Variants in PGAP1 observed in about 807,000 individuals in gnomAD.
PGAP1 encodes the protein GPI inositol-deacylase.
In PGAP1, 76 loss-of-function variants were observed where a neutral mutation model predicts 127.0. That is an observed-to-expected ratio of 0.60 (90% CI 0.50 to 0.72). The LOEUF is 0.72. Among genes scored for constraint, PGAP1 ranks in the 30% least tolerant of loss-of-function variants. PGAP1 has a pLI of 0.00. For missense variants in PGAP1, 982 were observed against 1,071.3 expected (o/e 0.92, Z 1.16); for synonymous variants, 362 against 366.5 (o/e 0.99, Z 0.14).
chr2:196,913,478 C>T (rs1430193915), intron 3 of PGAP1, among the ~76,000 whole-genome samples: 2 of 152,188 alleles, frequency 1.3e-5, no homozygotes, highest in African/African-American at 2.4e-5. Flanking sequence ...AATATATTAC[C>T]TTATCATGTT....
intron 26 of PGAP1, among the ~76,000 whole-genome samples, chr2:196,842,208 A>G (rs1700433978): frequency 6.6e-6 from 1 of 152,210 alleles, no homozygotes; most frequent in South Asian, 2.1e-4. Context: ...CAGAGCTATT[A>G]AATATTTGGC....
Position 196,898,381 on chromosome 2 carries a change from G to T in PGAP1, c.808-12C>A, listed in dbSNP as rs1372533808. ...GGCACTGCTGAACTCTAAAAGAAAAGAAAAAAATAAACTTACGAAAAGCAC... is the reference window on the plus strand; with the variant it reads ...GGCACTGCTGAACTCTAAAAGAAAATAAAAAAATAAACTTACGAAAAGCAC... On this transcript the variant is annotated splice_polypyrimidine_tract_variant and intron_variant, in intron 5 of 26. Coordinates refer to ENST00000354764, the MANE Select transcript of PGAP1 (RefSeq NM_024989.4). The T allele has an allele frequency of 6.3e-7, 1 of 1,593,128 alleles. No individual in the cohort carries two copies. Among genetic ancestry groups the T allele is most frequent in the African/African-American group, 1.4e-5 (1 of 73,858 alleles).
rs1410988917 is a variant in PGAP1 at position 196,841,058 on chromosome 2, C to T, written c.*176G>A. 2.8e-6 allele frequency: 2 copies of T among 725,746 alleles called. No individual in the cohort carries two copies. The highest frequency in any genetic ancestry group is 4.4e-6 in the Non-Finnish European group (2 of 459,164). The allele number at this position is 725,746 out of a possible 1,614,324, so 45.0% of individuals were successfully genotyped here. On this transcript the variant is annotated 3_prime_UTR_variant, in exon 27 of 27. Transcript: ENST00000354764. ...ATGGATTCCACACCACAAAACAAAA[C>T]CATGCTTCAACTACTTCCCTCAAAC...
At chr2:196,851,561 G>C (rs1200808168) in intron 20 of PGAP1, among the ~76,000 whole-genome samples, 3 of 151,936 alleles carry the variant, frequency 2.0e-5, no homozygotes, top group African/African-American at 7.3e-5. Context: ...TTTTCTTTTA[G>C]AGAGCCCCTC....
chr2:196,923,227 GATAAT>G (rs1198944815), intron 1 of PGAP1, among the ~76,000 whole-genome samples: 3 of 152,068 alleles, frequency 2.0e-5, no homozygotes, highest in Admixed American at 6.6e-5. Flanking sequence ...TAACATAAAT[GATAAT>G]ATATTATAAA....
chr2:196,867,929 AAGGGAAAAGACC>A (rs1189691797), intron 19 of PGAP1, among the ~76,000 whole-genome samples: 4 of 152,212 alleles, frequency 2.6e-5, no homozygotes, highest in Admixed American at 1.3e-4. Context: ...AGCTGAGTAA[AAGGGAAAAGACC>A]ATTTTGCTAC....
intron 7 of PGAP1, among the ~76,000 whole-genome samples, chr2:196,896,699 G>A (rs1487172253): frequency 6.6e-6 from 1 of 151,652 alleles, no homozygotes; most frequent in African/African-American, 2.4e-5. Context: ...TACTGGTGGT[G>A]CACATACATA....
intron 9 of PGAP1, among the ~76,000 whole-genome samples, chr2:196,891,669 C>T (rs547376668): frequency 1.3e-5 from 2 of 151,948 alleles, no homozygotes; most frequent in Admixed American, 1.3e-4. Flanking sequence ...ATGATTTATT[C>T]TACTTTTGAT....
chr2:196,870,217 T>A (rs1474060324), intron 19 of PGAP1, among the ~76,000 whole-genome samples: 1 of 152,206 alleles, frequency 6.6e-6, no homozygotes, highest in Non-Finnish European at 1.5e-5. Context: ...AACATTCATT[T>A]ATATGGCAGA....
At position 196,894,734 on chromosome 2, in the gene PGAP1, G is replaced by A. The variant is rs186756242; in HGVS notation, c.928-1489C>T. 1.1e-3 allele frequency among the ~76,000 whole-genome samples: 173 copies of A among 152,162 alleles called. No homozygotes were observed. The East Asian group carries it at 0.019, about 17-fold the overall frequency. On this transcript the variant is annotated intron_variant, in intron 7 of 26. Coordinates refer to ENST00000354764, the MANE Select transcript of PGAP1 (RefSeq NM_024989.4). ...GAAGAATGGCATGAACCCGGGAGGC[G>A]GAGCTTGCAGTGAGCCGAGATCGCG...
chr2:196,873,127 T>TA (rs1321550851), intron 16 of PGAP1, 101 bp from the exon 17 acceptor site: 2 of 487,406 alleles, frequency 4.1e-6, no homozygotes, highest in African/African-American at 2.0e-5. Flanking sequence ...TCCATTTCAT[T>TA]AAAAAAATCA....
chr2:196,844,199 C>A, intron 24 of PGAP1, 124 bp from the exon 25 acceptor site: 3 of 601,354 alleles, frequency 5.0e-6, no homozygotes, highest in Non-Finnish European at 7.8e-6. Flanking sequence ...GACATAAAAT[C>A]CTGAAATTAC....
chr2:196,872,746 G>T lies in PGAP1; in HGVS notation c.1620-197C>A, dbSNP rs1701449174. Reference sequence around the variant, plus strand: ...TCTAGGACACAGGAGTTGCGAGAGGGTGGAAGGGGGTTCAGGTTCCAAGGA... The same window carrying T: ...TCTAGGACACAGGAGTTGCGAGAGGTTGGAAGGGGGTTCAGGTTCCAAGGA... On this transcript the variant is annotated intron_variant, in intron 17 of 26. Transcript: ENST00000354764. 5.2e-6 allele frequency: 3 copies of T among 575,368 alleles called. No homozygotes were observed. The African/African-American group carries it at 5.7e-5, about 11-fold the overall frequency. The allele number at this position is 575,368 out of a possible 1,614,324, so 35.6% of individuals were successfully genotyped here.
intron 26 of PGAP1, among the ~76,000 whole-genome samples, chr2:196,841,998 T>A (rs1027915724): frequency 6.6e-6 from 1 of 151,224 alleles, no homozygotes; most frequent in Non-Finnish European, 1.5e-5. Flanking sequence ...AAATAATCAA[T>A]AATGTTCAAT....
intron 7 of PGAP1, among the ~76,000 whole-genome samples, chr2:196,894,788 C>A (rs1576168551): frequency 6.6e-6 from 1 of 152,056 alleles, no homozygotes; most frequent in Non-Finnish European, 1.5e-5. Flanking sequence ...GGTGACAGAG[C>A]AAGACTCCGT....
chr2:196,857,599 C>A (rs1006251033), intron 20 of PGAP1, among the ~76,000 whole-genome samples: 7 of 152,070 alleles, frequency 4.6e-5, no homozygotes, highest in Non-Finnish European at 7.4e-5. Context: ...GTGAAACTGG[C>A]CAGAATCAAC....
rs365342 is a variant in PGAP1 at position 196,885,318 on chromosome 2, G to A, written c.1272+106C>T. On this transcript the variant is annotated intron_variant, in intron 12 of 26. Transcript: ENST00000354764. ...TTAAATGTAGGTTAGTAAATCTCAA[G>A]TTTATTTAATACCAAGATAAGCTAA... 72,165 of 720,926 alleles carry A rather than the reference G, an allele frequency of 0.1. 3,851 individuals carry two copies. The highest frequency in any genetic ancestry group is 0.17 in the Middle Eastern group (506 of 3,046). The allele number at this position is 720,926 out of a possible 1,614,324, so 44.7% of individuals were successfully genotyped here. A position where few individuals can be genotyped will look rare whatever the true frequency, so the allele number is the denominator to read the frequency against.
At chr2:196,894,969 ATTAT>A (rs1401032370) in intron 7 of PGAP1, among the ~76,000 whole-genome samples, 1 of 152,098 alleles carries the variant, frequency 6.6e-6, no homozygotes, top group Non-Finnish European at 1.5e-5. Flanking sequence ...CTTAGGACTA[ATTAT>A]TCTTTGCATT....
At chr2:196,887,611 A>C (rs1041644039) in intron 10 of PGAP1, among the ~76,000 whole-genome samples, 3 of 152,350 alleles carry the variant, frequency 2.0e-5, no homozygotes, top group Admixed American at 2.0e-4. Context: ...CTTTTATTCA[A>C]CTGATACTTA....
Sources: allele counts gnomAD v4.1 joint callset (sites outside exome capture counted in the v4.1 genomes callset), GRCh38; gene constraint gnomAD v4.1.1; transcripts MANE v1.5; gene names NCBI Gene and HGNC (gene_info 2026-07-23, HGNC 2026-07-21).